KANK1: variants seen among roughly 807,000 people sequenced by gnomAD.
The protein encoded by KANK1 is KN motif and ankyrin repeat domain-containing protein 1.
Under a neutral mutation model 106.2 loss-of-function variants are expected in KANK1, and 109 were observed. That is an observed-to-expected ratio of 1.03 (90% CI 0.88 to 1.20). The LOEUF (loss-of-function observed/expected upper bound fraction) is 1.20, where lower values mean the gene tolerates loss of function less well. KANK1 is among the 50% of genes most tolerant of loss of function. The pLI is 0.00. For synonymous variants in KANK1, 873 were observed against 652.2 expected, an observed-to-expected ratio of 1.34 and a Z score of -5.16; for missense variants, 2,399 against 1,710.7, an observed-to-expected ratio of 1.40 and a Z score of -7.10.
intron 1 of KANK1, among the ~76,000 whole-genome samples, chr9:649,983 G>A (rs1198349989): frequency 6.6e-5 from 10 of 152,162 alleles, no homozygotes; most frequent in Non-Finnish European, 1.5e-5. Flanking sequence ...AAATTCTGCA[G>A]TCCTGTGTTT....
At chr9:606,968 C>T (rs964569446) in intron 1 of KANK1, among the ~76,000 whole-genome samples, 8 of 142,488 alleles carry the variant, frequency 5.6e-5, no homozygotes, top group Non-Finnish European at 9.2e-5. Flanking sequence ...TGTAGTTGCC[C>T]GTTCACATTT....
intron 2 of KANK1, among the ~76,000 whole-genome samples, chr9:692,280 A>G (rs1820135540): frequency 6.6e-6 from 1 of 152,220 alleles, no homozygotes; most frequent in African/African-American, 2.4e-5. Flanking sequence ...TCTTTGAGAC[A>G]CATACTTTCC....
intron 1 of KANK1, among the ~76,000 whole-genome samples, chr9:563,581 G>C (rs966088998): frequency 2.0e-5 from 3 of 152,132 alleles, no homozygotes; most frequent in African/African-American, 7.2e-5. Context: ...TGATTTTGTA[G>C]ATATGTATGT....
chr9:578,804 A>G (rs777083487), intron 1 of KANK1, among the ~76,000 whole-genome samples: 1 of 152,176 alleles, frequency 6.6e-6, no homozygotes, highest in Non-Finnish European at 1.5e-5. Context: ...ATTACTCTAC[A>G]TAATCATTTT....
intron 6 of KANK1, chr9:733,717 G>A (rs187907821): frequency 6.6e-6 from 1 of 152,338 alleles, no homozygotes; most frequent in East Asian, 1.9e-4. Context: ...AGGCTGCAGT[G>A]AGCCAGTGCA....
intron 1 of KANK1, among the ~76,000 whole-genome samples, chr9:635,202 C>A (rs1213119405): frequency 1.3e-5 from 2 of 152,074 alleles, no homozygotes; most frequent in Admixed American, 1.3e-4. Flanking sequence ...TCATGGTGAC[C>A]CTAAAAAGTC....
At chr9:639,948 A>G (rs1838014465) in intron 1 of KANK1, among the ~76,000 whole-genome samples, 1 of 152,180 alleles carries the variant, frequency 6.6e-6, no homozygotes, top group African/African-American at 2.4e-5. Context: ...TTCTACCCTG[A>G]TGATTTAATC....
At chr9:740,648 T>G in intron 8 of KANK1, 144 bp from the exon 9 acceptor site, 1 of 891,576 alleles carries the variant, frequency 1.1e-6, no homozygotes, top group Non-Finnish European at 1.7e-6. Flanking sequence ...TCTCTCACAT[T>G]TCCTTCTAAG....
chr9:480,914 A>G (rs1463211912), intron 3 of KANK1, among the ~76,000 whole-genome samples: 1 of 152,222 alleles, frequency 6.6e-6, no homozygotes, highest in Non-Finnish European at 1.5e-5. Flanking sequence ...AAGACATTCA[A>G]ATTTGGTACA....
chr9:517,026 C>CACACACACACACACACACACACACACAT (rs3219532), intron 1 of KANK1, among the ~76,000 whole-genome samples: 7 of 151,518 alleles, frequency 4.6e-5, no homozygotes, highest in Admixed American at 3.9e-4. Context: ...CACACACACA[C>CACACACACACACACACACACACACACAT]ATCCGTCTTG....
intron 1 of KANK1, among the ~76,000 whole-genome samples, chr9:656,914 G>C (rs1052258282): frequency 6.6e-6 from 1 of 151,932 alleles, no homozygotes; most frequent in Non-Finnish European, 1.5e-5. Context: ...ACATAGCATA[G>C]ATTTGCCCTC....
intron 1 of KANK1, among the ~76,000 whole-genome samples, chr9:542,145 G>A (rs193253022): frequency 2.3e-3 from 316 of 137,466 alleles, no homozygotes; most frequent in African/African-American, 9.0e-3. Context: ...AAGACATACA[G>A]ATGACCAACA....
chr9:735,241 G>C (rs1188783372), intron 7 of KANK1, among the ~76,000 whole-genome samples: 1 of 152,094 alleles, frequency 6.6e-6, no homozygotes, highest in Non-Finnish European at 1.5e-5. Flanking sequence ...ACCTATCTGA[G>C]CCAAGGTCAG....
chr9:712,134 G>C lies in KANK1; in HGVS notation c.1368G>C (p.Glu456Asp). The C allele has an allele frequency of 6.2e-7, 1 of 1,614,124 alleles. No homozygotes were observed. Among genetic ancestry groups the C allele is most frequent in the South Asian group, 1.1e-5 (1 of 91,086 alleles). ...TGACTGAAGCTGACAAAGAAATTGAGCTGCAACAGCAGACCATAGAATCCT... is the reference window on the plus strand; with the variant it reads ...TGACTGAAGCTGACAAAGAAATTGACCTGCAACAGCAGACCATAGAATCCT... ...GVMTEADKEI[E>D]LQQQTIESLK... is the part of the protein sequence containing the mutation. The change falls in exon 3 of 12, where the codon GAG (glutamate) becomes GAC (aspartate). Residue 456 changes from glutamate (E) to aspartate (D), a missense_variant. By Grantham distance (45) the Glu-to-Asp change is conservative. Coordinates refer to ENST00000382297, the MANE Select transcript of KANK1 (RefSeq NM_015158.5).
At chr9:600,222 C>A (rs892783219) in intron 1 of KANK1, among the ~76,000 whole-genome samples, 3 of 151,744 alleles carry the variant, frequency 2.0e-5, no homozygotes, top group African/African-American at 7.3e-5. Flanking sequence ...CCCCTGGCAG[C>A]CATTCTACTT....
chr9:539,122 C>T (rs918299411), intron 1 of KANK1, among the ~76,000 whole-genome samples: 8 of 152,140 alleles, frequency 5.3e-5, no homozygotes, highest in African/African-American at 1.9e-4. Context: ...CTCAAGTGAT[C>T]CACCTGCCTC....
At chr9:544,001 CTATTT>C (rs754173294) in intron 1 of KANK1, among the ~76,000 whole-genome samples, 9 of 151,676 alleles carry the variant, frequency 5.9e-5, no homozygotes, top group South Asian at 2.1e-4. Flanking sequence ...ATTTCATGTT[CTATTT>C]TATTTTATTT....
chr9:562,409 A>G (rs992452116), intron 1 of KANK1, among the ~76,000 whole-genome samples: 3 of 152,210 alleles, frequency 2.0e-5, no homozygotes, highest in South Asian at 2.1e-4. Flanking sequence ...CTTCTGGGGA[A>G]GATGGGAACG....
intron 1 of KANK1, among the ~76,000 whole-genome samples, chr9:589,483 A>G (rs192734699): frequency 6.6e-6 from 1 of 152,140 alleles, no homozygotes; most frequent in Admixed American, 6.5e-5. Context: ...GGAAACTTAG[A>G]TATACTAAAA....
Sources: allele counts gnomAD v4.1 joint callset (sites outside exome capture counted in the v4.1 genomes callset), GRCh38; gene constraint gnomAD v4.1.1; transcripts MANE v1.5; gene names NCBI Gene and HGNC (gene_info 2026-07-23, HGNC 2026-07-21).